Variants in SNRNP48 observed in about 807,000 individuals in gnomAD.
SNRNP48 encodes small nuclear ribonucleoprotein U11/U12 subunit 48.
Under a neutral mutation model 47.0 loss-of-function variants are expected in SNRNP48, and 43 were observed. That is an observed-to-expected ratio of 0.92 (90% confidence interval 0.72 to 1.18). SNRNP48 has a LOEUF of 1.18. Among genes scored for constraint, SNRNP48 ranks in the 50% most tolerant of loss-of-function variants. The pLI is 0.00. For synonymous variants in SNRNP48, 138 were observed against 144.0 expected, an observed-to-expected ratio of 0.96 and a Z score of 0.30; for missense variants, 396 against 422.2, an observed-to-expected ratio of 0.94 and a Z score of 0.54.
At chr6:7,598,513 T>G (rs535616450) in intron 4 of SNRNP48, among the ~76,000 whole-genome samples, 5 of 152,112 alleles carry the variant, frequency 3.3e-5, no homozygotes, top group African/African-American at 1.2e-4. Flanking sequence ...AAAAAAAAAT[T>G]TTTTTTTATA....
chr6:7,594,254 T>G (rs1044793754), intron 3 of SNRNP48, 95 bp downstream of exon 3: 2 of 563,480 alleles, frequency 3.5e-6, no homozygotes, highest in African/African-American at 3.9e-5. Flanking sequence ...ATAAGCATGC[T>G]TATGACAAGG....
At position 7,605,355 on chromosome 6, in the gene SNRNP48, G is replaced by T. The variant is rs773252861; in HGVS notation, c.718-43G>T. ...TCTAGCGTTACAGTCTTAATTTTTT[G>T]AGCAGTTTTCTTACCTGAAGTTCGG... On this transcript the variant is annotated intron_variant, in intron 6 of 8. Coordinates refer to ENST00000342415, the MANE Select transcript of SNRNP48 (RefSeq NM_152551.4). The T allele has an allele frequency of 3.4e-6, 5 of 1,492,048 alleles. No homozygotes were observed. In the Admixed American group the frequency reaches 8.6e-5, roughly 26 times the overall value. The allele number at this position is 1,492,048 out of a possible 1,614,324, so 92.4% of individuals were successfully genotyped here.
rs527354015 is a variant in SNRNP48, at chr6:7,600,288, G to A, written c.407-1048G>A. 2.0e-5 allele frequency: 16 copies of A among 798,784 alleles called. No individual in the cohort carries two copies. The East Asian group carries it at 2.0e-3, about 99-fold the overall frequency. The allele number at this position is 798,784 out of a possible 1,614,324, so 49.5% of individuals were successfully genotyped here. ...TGTTGTAATGCTTAGTTCATAGTAT[G>A]CTCTTATTTGAATTCTTTTTGCCTC... On this transcript the variant is annotated intron_variant, in intron 4 of 8. Coordinates refer to ENST00000342415, the MANE Select transcript of SNRNP48 (RefSeq NM_152551.4).
intron 6 of SNRNP48, among the ~76,000 whole-genome samples, chr6:7,603,400 A>G (rs570010865): frequency 6.6e-6 from 1 of 152,276 alleles, no homozygotes; most frequent in Non-Finnish European, 1.5e-5. Context: ...GACTCTACAA[A>G]TAATTGCCTC....
intron 4 of SNRNP48, among the ~76,000 whole-genome samples, chr6:7,597,814 A>G (rs1167889830): frequency 2.0e-5 from 3 of 151,630 alleles, no homozygotes; most frequent in Non-Finnish European, 4.4e-5. Context: ...AGGAACTTTA[A>G]TTTTGAATTC....
chr6:7,594,879 G>T lies in SNRNP48; in HGVS notation c.332-148G>T, dbSNP rs1164080613. 9 of 630,052 alleles carry T rather than the reference G, an allele frequency of 1.4e-5. No homozygotes were observed. In the Admixed American group the frequency reaches 2.6e-4, roughly 18 times the overall value. 39.0% of individuals were successfully genotyped at this position (630,052 alleles called of 1,614,324 possible). A position where few individuals can be genotyped will look rare whatever the true frequency, so the allele number is the denominator to read the frequency against. ...TAAATCTGAAAGGATTCTGTGTTCA[G>T]ATTTCATAGACAGGGATGTGGATGT... On this transcript the variant is annotated intron_variant, in intron 3 of 8. Coordinates refer to ENST00000342415, the MANE Select transcript of SNRNP48 (RefSeq NM_152551.4).
At chr6:7,591,344 G>A (rs2113712146) in intron 1 of SNRNP48, among the ~76,000 whole-genome samples, 1 of 152,210 alleles carries the variant, frequency 6.6e-6, no homozygotes, top group Non-Finnish European at 1.5e-5. Flanking sequence ...TTGTTTTTTT[G>A]TGGGGTATTT....
rs1760206852 is a variant in SNRNP48 at position 7,610,176 on chromosome 6, T to C, written c.*1303T>C. 1 of 152,232 alleles carries C rather than the reference T, an allele frequency of 6.6e-6. No homozygotes were observed. The highest frequency in any genetic ancestry group is 2.4e-5 in the African/African-American group (1 of 41,460). 9.4% of individuals were successfully genotyped at this position (152,232 alleles called of 1,614,324 possible). ...ATCCGACATCTAAATAGCAATATTT[T>C]GAATACTGGAAACTCAGGTTAAAGA... On this transcript the variant is annotated 3_prime_UTR_variant, in exon 9 of 9. Coordinates refer to ENST00000342415, the MANE Select transcript of SNRNP48 (RefSeq NM_152551.4).
chr6:7,608,221 TG>T (rs1424078176), intron 8 of SNRNP48, among the ~76,000 whole-genome samples: 6 of 152,078 alleles, frequency 3.9e-5, no homozygotes, highest in Non-Finnish European at 5.9e-5. Flanking sequence ...CGAATTAAAG[TG>T]TTTTTTTTTT....
intron 4 of SNRNP48, among the ~76,000 whole-genome samples, chr6:7,597,446 A>G (rs1017965169): frequency 2.0e-5 from 3 of 152,226 alleles, no homozygotes; most frequent in African/African-American, 7.2e-5. Flanking sequence ...TTAAAGAAAT[A>G]AAAGTAGCTG....
chr6:7,601,400 T>G lies in SNRNP48; in HGVS notation c.471T>G (p.Thr157=), dbSNP rs1159410236. ...LNHKRFVCDL[T]QADRLALYDF... ...ACAAACGGTTTGTTTGTGATCTAAC[T>G]CAAGCTGATCGTCTTGCCCTCTATG... Residue 157 remains threonine, a synonymous_variant, in exon 5 of 9, where the codon ACT becomes ACG. Coordinates refer to ENST00000342415, the MANE Select transcript of SNRNP48 (RefSeq NM_152551.4). 5 of 1,599,860 alleles carry G rather than the reference T, an allele frequency of 3.1e-6. No individual in the cohort carries two copies. Among genetic ancestry groups the G allele is most frequent in the Non-Finnish European group, 4.2e-6 (5 of 1,177,152 alleles).
chr6:7,596,788 C>T (rs1195199464), intron 4 of SNRNP48, among the ~76,000 whole-genome samples: 2 of 152,068 alleles, frequency 1.3e-5, no homozygotes, highest in Non-Finnish European at 2.9e-5. Flanking sequence ...TTTTTGGCCT[C>T]TGCTATTGGT....
chr6:7,606,202 C>G lies in SNRNP48; in HGVS notation c.971+7C>G. The G allele has an allele frequency of 1.2e-6, 2 of 1,601,410 alleles. No individual in the cohort carries two copies. Among genetic ancestry groups the G allele is most frequent in the East Asian group, 2.2e-5 (1 of 44,676 alleles). Reference sequence around the variant, plus strand: ...CGAGAAGAAGGAAAGAGAGGTGGGTCTAACCCTGCATCATCCAACGTTGAA... The same window carrying G: ...CGAGAAGAAGGAAAGAGAGGTGGGTGTAACCCTGCATCATCCAACGTTGAA... On this transcript the variant is annotated splice_region_variant and intron_variant, in intron 8 of 8. Transcript: ENST00000342415.
chr6:7,608,459 G>A (rs1760173294), intron 8 of SNRNP48, among the ~76,000 whole-genome samples: 1 of 152,076 alleles, frequency 6.6e-6, no homozygotes. Flanking sequence ...GGGAGGCTGA[G>A]GCAGGAATCG....
rs1029158878 is a variant in SNRNP48 at position 7,609,439 on chromosome 6, T to G, written c.*566T>G. On this transcript the variant is annotated 3_prime_UTR_variant, in exon 9 of 9. Transcript: ENST00000342415. ...CTAGATCCATATTAACCTGGATTGG[T>G]CTCAAAAACATAATGCTCAGTGAAA... 3 of 152,200 alleles carry G rather than the reference T, an allele frequency of 2.0e-5. No individual in the cohort carries two copies. Among genetic ancestry groups the G allele is most frequent in the Non-Finnish European group, 4.4e-5 (3 of 68,034 alleles). The allele number at this position is 152,200 out of a possible 1,614,324, so 9.4% of individuals were successfully genotyped here.
chr6:7,591,139 C>G (rs1368251904), intron 1 of SNRNP48, among the ~76,000 whole-genome samples: 2 of 152,142 alleles, frequency 1.3e-5, no homozygotes, highest in South Asian at 2.1e-4. Context: ...GCACCAGATT[C>G]GGTGTCAGGA....
chr6:7,590,464 T>C, intron 1 of SNRNP48, 51 bp downstream of exon 1: 1 of 1,262,448 alleles, frequency 7.9e-7, no homozygotes, highest in Non-Finnish European at 1.0e-6. Flanking sequence ...CCCGGGGTCT[T>C]CTCTGGAAGA....
Position 7,594,250 on chromosome 6 carries a change from A to G in SNRNP48, c.331+91A>G, listed in dbSNP as rs1420406375. On this transcript the variant is annotated intron_variant, in intron 3 of 8. Coordinates refer to ENST00000342415, the MANE Select transcript of SNRNP48 (RefSeq NM_152551.4). ...TATGAAAAGAATGGATTGTATAAGC[A>G]TGCTTATGACAAGGACATTTAGTAC... 7 of 589,918 alleles carry G rather than the reference A, an allele frequency of 1.2e-5. No homozygotes were observed. In the African/African-American group the frequency reaches 1.4e-4, roughly 11 times the overall value. 36.5% of individuals were successfully genotyped at this position (589,918 alleles called of 1,614,324 possible).
At chr6:7,600,025 G>C in intron 4 of SNRNP48, 1 of 1,004,284 alleles carries the variant, frequency 1.0e-6, no homozygotes, top group Non-Finnish European at 1.2e-6. Context: ...AATTTTTATA[G>C]CCTAATTCAA....
Sources: allele counts gnomAD v4.1 joint callset (sites outside exome capture counted in the v4.1 genomes callset), GRCh38; gene constraint gnomAD v4.1.1; transcripts MANE v1.5; gene names NCBI Gene and HGNC (gene_info 2026-07-23, HGNC 2026-07-21).